The following NPFFR2 variants were observed in gnomAD, a reference collection of about 807,000 sequenced individuals.
NPFFR2 encodes the protein G-protein coupled receptor 74.
A neutral mutation model predicts 13.1 loss-of-function variants in NPFFR2; 15 were observed. The ratio of observed to expected loss-of-function variants is 1.15; its 90% CI spans 0.77 to 1.76. NPFFR2 has a LOEUF of 1.76. Ranked by LOEUF, NPFFR2 falls within the 40% of genes most tolerant of loss-of-function variation. The probability of loss-of-function intolerance (pLI) is 0.00; values close to 1 mark genes in which losing one functional copy is unlikely to be tolerated. For synonymous variants in NPFFR2, 190 were observed against 175.7 expected (o/e 1.08, Z -0.65); for missense variants, 572 against 503.5 (o/e 1.14, Z -1.30).
At chr4:72,092,259 A>G (rs528114021) in intron 1 of NPFFR2, among the ~76,000 whole-genome samples, 16 of 152,170 alleles carry the variant, frequency 1.1e-4, no homozygotes, top group Admixed American at 6.6e-4. Flanking sequence ...GGCCTATCAT[A>G]TGGTCTATCA....
At chr4:72,036,062 G>A (rs879372525) in intron 1 of NPFFR2, among the ~76,000 whole-genome samples, 1 of 152,078 alleles carries the variant, frequency 6.6e-6, no homozygotes, top group Non-Finnish European at 1.5e-5. Context: ...AAAGCCAAAC[G>A]AGATCAAAAT....
At chr4:72,050,773 C>T (rs2109764599) in intron 1 of NPFFR2, among the ~76,000 whole-genome samples, 1 of 149,420 alleles carries the variant, frequency 6.7e-6, no homozygotes, top group African/African-American at 2.5e-5. Context: ...CTCCCCCCAC[C>T]CCACAACAGT....
At chr4:72,119,284 C>T (rs1002537301) in intron 1 of NPFFR2, among the ~76,000 whole-genome samples, 1 of 152,074 alleles carries the variant, frequency 6.6e-6, no homozygotes, top group Non-Finnish European at 1.5e-5. Context: ...ATTGTTATTC[C>T]TGTCAAAGGG....
intron 1 of NPFFR2, among the ~76,000 whole-genome samples, chr4:72,035,302 C>T (rs1326929911): frequency 6.6e-6 from 1 of 152,216 alleles, no homozygotes; most frequent in Admixed American, 6.5e-5. Flanking sequence ...TTAAGGCACC[C>T]ATCTCTGAAA....
chr4:72,088,332 A>C (rs1306607848), intron 1 of NPFFR2, among the ~76,000 whole-genome samples: 3 of 152,022 alleles, frequency 2.0e-5, no homozygotes, highest in African/African-American at 7.2e-5. Context: ...AGTGTCTCTA[A>C]CATATTGATG....
intron 1 of NPFFR2, among the ~76,000 whole-genome samples, chr4:72,096,962 T>G (rs916898232): frequency 6.6e-6 from 1 of 152,034 alleles, no homozygotes; most frequent in Non-Finnish European, 1.5e-5. Context: ...AAGTTTAAGT[T>G]GTTCTATAGA....
chr4:72,037,818 T>A (rs956022356), intron 1 of NPFFR2, among the ~76,000 whole-genome samples: 2 of 152,210 alleles, frequency 1.3e-5, no homozygotes, highest in African/African-American at 4.8e-5. Context: ...CTACATTAAG[T>A]AATTTCTGTG....
intron 1 of NPFFR2, among the ~76,000 whole-genome samples, chr4:72,111,869 A>G (rs972853123): frequency 6.6e-6 from 1 of 152,036 alleles, no homozygotes; most frequent in Non-Finnish European, 1.5e-5. Context: ...TCCCCCCAAC[A>G]TGGCATCTCC....
At chr4:72,044,098 C>T (rs1053189315) in intron 1 of NPFFR2, among the ~76,000 whole-genome samples, 106 of 152,256 alleles carry the variant, frequency 7.0e-4, no homozygotes, top group African/African-American at 2.5e-3. Flanking sequence ...TTTTGCTTGG[C>T]ATTTCTTCTT....
In NPFFR2 at chr4:72,147,908, T is replaced by C. The variant is rs1722842016; in HGVS notation, c.*96T>C. The C allele has an allele frequency of 2.0e-6, 2 of 976,560 alleles. No individual in the cohort carries two copies. The highest frequency in any genetic ancestry group is 3.3e-5 in the African/African-American group (2 of 60,212). The allele number at this position is 976,560 out of a possible 1,614,324, so 60.5% of individuals were successfully genotyped here. ...GCACTTCAAATTTTTCAAAGAATGTTCTAAATAAAACATTTACTGAAAGCC... is the reference window on the plus strand; with the variant it reads ...GCACTTCAAATTTTTCAAAGAATGTCCTAAATAAAACATTTACTGAAAGCC... On this transcript the variant is annotated 3_prime_UTR_variant, in exon 4 of 4. Transcript: ENST00000308744.
intron 1 of NPFFR2, among the ~76,000 whole-genome samples, chr4:72,125,729 A>G (rs1722020382): frequency 1.3e-5 from 2 of 152,336 alleles, no homozygotes; most frequent in East Asian, 1.9e-4. Context: ...CTCACCTGGA[A>G]GAGCTCTAAT....
chr4:72,051,342 A>G, intron 1 of NPFFR2, among the ~76,000 whole-genome samples: 1 of 152,116 alleles, frequency 6.6e-6, no homozygotes, highest in Non-Finnish European at 1.5e-5. Context: ...TAAGAAACTC[A>G]CTCAAAACAG....
At chr4:72,047,982 C>G (rs965680253) in intron 1 of NPFFR2, among the ~76,000 whole-genome samples, 1 of 151,944 alleles carries the variant, frequency 6.6e-6, no homozygotes, top group African/African-American at 2.4e-5. Context: ...ACAGATTTCC[C>G]CCACTCAATC....
At chr4:72,146,015 C>T (rs1722770909) in intron 3 of NPFFR2, among the ~76,000 whole-genome samples, 1 of 152,082 alleles carries the variant, frequency 6.6e-6, no homozygotes, top group Non-Finnish European at 1.5e-5. Context: ...TTTGTACTCA[C>T]CAGAGGACAT....
chr4:72,106,613 CT>C (rs1721427365), intron 1 of NPFFR2, among the ~76,000 whole-genome samples: 1 of 151,928 alleles, frequency 6.6e-6, no homozygotes, highest in Non-Finnish European at 1.5e-5. Context: ...AGAAGTAGGA[CT>C]TTCCCTGCCT....
At chr4:72,108,055 C>G (rs1244213171) in intron 1 of NPFFR2, among the ~76,000 whole-genome samples, 1 of 151,886 alleles carries the variant, frequency 6.6e-6, no homozygotes, top group Admixed American at 6.6e-5. Flanking sequence ...AGAGTGGTGA[C>G]TTAGGACCCT....
chr4:72,038,901 C>CTTTTTTTTT lies in NPFFR2; in HGVS notation c.-8+6704_-8+6705insTTTTTTTTT, dbSNP rs34623356. ...TTTTAATTCTTGATTTTTAAATTTC[C>CTTTTTTTTT]TTTCTTTTTTTTTTTTTTTTTTTTT... On this transcript the variant is annotated intron_variant, in intron 1 of 3. Coordinates refer to ENST00000308744, the MANE Select transcript of NPFFR2 (RefSeq NM_004885.3). 5.8e-3 allele frequency among the ~76,000 whole-genome samples: 500 copies of CTTTTTTTTT among 86,698 alleles called. 4 individuals carry two copies. The highest frequency in any genetic ancestry group is 0.014 in the South Asian group (29 of 2,102). 56.9% of individuals were successfully genotyped at this position (86,698 alleles called of 152,430 possible). A position where few individuals can be genotyped will look rare whatever the true frequency, so the allele number is the denominator to read the frequency against.
At chr4:72,138,239 A>G in intron 3 of NPFFR2, 100 bp downstream of exon 3, 1 of 729,334 alleles carries the variant, frequency 1.4e-6, no homozygotes, top group Non-Finnish European at 2.4e-6. Context: ...TATCTTTTCA[A>G]ATTGTATTCA....
intron 1 of NPFFR2, among the ~76,000 whole-genome samples, chr4:72,046,768 G>C (rs1719393693): frequency 6.6e-6 from 1 of 152,182 alleles, no homozygotes; most frequent in Non-Finnish European, 1.5e-5. Context: ...GTCCAAACAA[G>C]AGGAGAGCTG....
Sources: allele counts gnomAD v4.1 joint callset (sites outside exome capture counted in the v4.1 genomes callset), GRCh38; gene constraint gnomAD v4.1.1; transcripts MANE v1.5; gene names NCBI Gene and HGNC (gene_info 2026-07-23, HGNC 2026-07-21).